PBX3: variants seen among roughly 807,000 people sequenced by gnomAD.
The protein encoded by PBX3 is pre-B-cell leukemia transcription factor 3.
Under a neutral mutation model 48.5 loss-of-function variants are expected in PBX3, and 14 were observed. The ratio of observed to expected loss-of-function variants is 0.29; its 90% CI spans 0.19 to 0.45. PBX3 has a LOEUF of 0.45. Among genes scored for constraint, PBX3 ranks in the 20% least tolerant of loss-of-function variants. The pLI is 1.00. For missense variants in PBX3, 386 were observed against 546.7 expected (o/e 0.71, Z 2.93); for synonymous variants, 210 against 200.3 (o/e 1.05, Z -0.41).
intron 2 of PBX3, among the ~76,000 whole-genome samples, chr9:125,755,769 C>CTT: frequency 7.6e-6 from 1 of 131,656 alleles, no homozygotes; most frequent in South Asian, 2.6e-4. Context: ...TTGGTGGATT[C>CTT]TTTTTTCCCC....
chr9:125,876,799 T>C (rs1840261627), intron 2 of PBX3, among the ~76,000 whole-genome samples: 1 of 150,088 alleles, frequency 6.7e-6, no homozygotes, highest in Admixed American at 6.7e-5. Context: ...TCTTTCTTTC[T>C]TTCTTTTTTT....
chr9:125,906,598 C>T (rs1841077497), intron 2 of PBX3, among the ~76,000 whole-genome samples: 1 of 151,954 alleles, frequency 6.6e-6, no homozygotes, highest in African/African-American at 2.4e-5. Context: ...ATATGAATGA[C>T]ATTTACTGAT....
chr9:125,811,826 G>C (rs947960020), intron 2 of PBX3, among the ~76,000 whole-genome samples: 2 of 151,836 alleles, frequency 1.3e-5, no homozygotes, highest in Non-Finnish European at 2.9e-5. Context: ...TTCATCATGG[G>C]GGCTCTGTCC....
chr9:125,877,283 A>G (rs1277567677), intron 2 of PBX3, among the ~76,000 whole-genome samples: 1 of 152,246 alleles, frequency 6.6e-6, no homozygotes. Context: ...TAACCATGAA[A>G]GAGTCTTTTC....
chr9:125,757,958 A>G (rs1414707698), intron 2 of PBX3, among the ~76,000 whole-genome samples: 1 of 152,210 alleles, frequency 6.6e-6, no homozygotes, highest in South Asian at 2.1e-4. Context: ...GAAAAAAATG[A>G]AGGAAAATTC....
intron 2 of PBX3, among the ~76,000 whole-genome samples, chr9:125,780,671 G>A (rs1191608650): frequency 2.8e-5 from 4 of 142,412 alleles, no homozygotes; most frequent in African/African-American, 1.0e-4. Context: ...CCCGGATGGG[G>A]CGGCTGGCCG....
chr9:125,833,488 C>CA (rs770658784), intron 2 of PBX3, among the ~76,000 whole-genome samples: 5,783 of 137,906 alleles, frequency 0.042, 351 homozygotes, highest in African/African-American at 0.14. Flanking sequence ...GACGCTGTCT[C>CA]AAAAAAAAAA....
chr9:125,770,876 C>A (rs1005468594), intron 2 of PBX3, among the ~76,000 whole-genome samples: 7 of 152,198 alleles, frequency 4.6e-5, no homozygotes, highest in Admixed American at 1.3e-4. Context: ...GGAACATTTT[C>A]ATAAACTATC....
chr9:125,820,175 C>G (rs1838608282), intron 2 of PBX3, among the ~76,000 whole-genome samples: 1 of 152,158 alleles, frequency 6.6e-6, no homozygotes, highest in Non-Finnish European at 1.5e-5. Flanking sequence ...GTAGCCCAAG[C>G]TATTAGTTTA....
intron 2 of PBX3, among the ~76,000 whole-genome samples, chr9:125,886,768 A>C (rs1840512086): frequency 6.6e-6 from 1 of 151,670 alleles, no homozygotes; most frequent in South Asian, 2.1e-4. Flanking sequence ...TGATAGATCA[A>C]GTATTGAGAT....
intron 2 of PBX3, among the ~76,000 whole-genome samples, chr9:125,873,956 CAAAAAAGA>C (rs1840187479): frequency 6.6e-6 from 1 of 151,212 alleles, no homozygotes; most frequent in African/African-American, 2.4e-5. Context: ...CAAATGCAAA[CAAAAAAGA>C]AGGAAAGAAG....
intron 5 of PBX3, among the ~76,000 whole-genome samples, chr9:125,938,074 G>T (rs1466522347): frequency 6.6e-6 from 1 of 152,116 alleles, no homozygotes; most frequent in Non-Finnish European, 1.5e-5. Flanking sequence ...AAATATTGAA[G>T]CCCCCTGAAA....
intron 4 of PBX3, among the ~76,000 whole-genome samples, chr9:125,931,458 C>T (rs72752652): frequency 9.0e-4 from 137 of 152,060 alleles, no homozygotes; most frequent in Non-Finnish European, 1.6e-3. Flanking sequence ...CCACCATGCT[C>T]GGATAATTTT....
intron 2 of PBX3, among the ~76,000 whole-genome samples, chr9:125,762,506 C>T (rs569086745): frequency 2.2e-4 from 33 of 152,116 alleles, no homozygotes; most frequent in African/African-American, 7.7e-4. Flanking sequence ...GCTATATTTG[C>T]ATTCCAGAAA....
At chr9:125,925,298 T>G (rs1245947459) in intron 3 of PBX3, among the ~76,000 whole-genome samples, 1 of 152,190 alleles carries the variant, frequency 6.6e-6, no homozygotes, top group Non-Finnish European at 1.5e-5. Flanking sequence ...CTGTTGAATA[T>G]GGCAGCCACT....
intron 2 of PBX3, among the ~76,000 whole-genome samples, chr9:125,812,343 C>A (rs73667071): frequency 0.036 from 5,489 of 152,278 alleles, 345 homozygotes; most frequent in African/African-American, 0.12. Flanking sequence ...TGTACTCATA[C>A]TCAGCTTTAC....
intron 2 of PBX3, among the ~76,000 whole-genome samples, chr9:125,884,634 C>T (rs764651950): frequency 1.3e-5 from 2 of 152,294 alleles, no homozygotes; most frequent in African/African-American, 4.8e-5. Context: ...TGACTACATT[C>T]TCCAAATGTA....
chr9:125,855,834 A>G (rs1839705979), intron 2 of PBX3, among the ~76,000 whole-genome samples: 1 of 152,184 alleles, frequency 6.6e-6, no homozygotes, highest in South Asian at 2.1e-4. Flanking sequence ...CATACTGATC[A>G]ATAGTTCCCA....
chr9:125,942,522 AAAT>A (rs1390239403), intron 5 of PBX3, among the ~76,000 whole-genome samples: 3 of 152,214 alleles, frequency 2.0e-5, no homozygotes, highest in Non-Finnish European at 4.4e-5. Flanking sequence ...AAGCCCGTTA[AAAT>A]AATAATTAGA....
Sources: gnomAD v4.1 joint callset for allele counts (sites outside exome capture counted in the v4.1 genomes callset) on GRCh38, gnomAD v4.1.1 for gene constraint, MANE v1.5 for transcripts, NCBI Gene and HGNC (gene_info 2026-07-23, HGNC 2026-07-21) for gene names.